The following ARHGAP6 variants were observed in gnomAD, a reference collection of about 807,000 sequenced individuals.
The protein encoded by ARHGAP6 is Rho GTPase activating protein 6.
In ARHGAP6, 16 loss-of-function variants were observed where a neutral mutation model predicts 55.7. The observed-to-expected ratio is 0.29, with a 90% CI of 0.19 to 0.44. The LOEUF (loss-of-function observed/expected upper bound fraction) is 0.44. Ranked by LOEUF, ARHGAP6 falls within the 20% of genes least tolerant of loss-of-function variation. The probability of loss-of-function intolerance (pLI) is 1.00; values close to 1 mark genes in which losing one functional copy is unlikely to be tolerated. For missense variants in ARHGAP6, 698 were observed against 808.9 expected (o/e 0.86, Z 1.66); for synonymous variants, 382 against 360.9 (o/e 1.06, Z -0.66).
chrX:11,294,895 A>G (rs2048055595), intron 1 of ARHGAP6: 1 of 1,161,797 alleles, frequency 8.6e-7, no homozygotes, highest in African/African-American at 1.8e-5. Context: ...AAACTTGGAC[A>G]TAAAAATCTG....
intron 9 of ARHGAP6, among the ~76,000 whole-genome samples, chrX:11,162,533 C>T (rs1269085118): frequency 9.0e-6 from 1 of 111,287 alleles, no homozygotes; most frequent in Non-Finnish European, 1.9e-5. Flanking sequence ...TTCACTTACA[C>T]ACTCTCTTGC....
intron 1 of ARHGAP6, among the ~76,000 whole-genome samples, chrX:11,509,859 G>T (rs2147865671): frequency 8.9e-6 from 1 of 111,866 alleles, no homozygotes; most frequent in African/African-American, 3.2e-5. Context: ...TCAGTGACGT[G>T]GGTATAGCAA....
rs2051483747 is a variant in ARHGAP6, at chrX:11,569,245, A to T, written c.588+94996T>A. On this transcript the variant is annotated intron_variant, in intron 1 of 12. Transcript: ENST00000337414. ...GTGGGTAGAAGTCAGAGATGCCACTAAATATCCCACAATGCACAGGACAGC... is the reference window on the plus strand; with the variant it reads ...GTGGGTAGAAGTCAGAGATGCCACTTAATATCCCACAATGCACAGGACAGC... 3.6e-5 allele frequency among the ~76,000 whole-genome samples: 4 copies of T among 111,275 alleles called. No individual in the cohort carries two copies. The Admixed American group carries it at 3.8e-4, about 11-fold the overall frequency.
At chrX:11,350,408 A>C (rs979342075) in intron 1 of ARHGAP6, among the ~76,000 whole-genome samples, 35 of 112,335 alleles carry the variant, frequency 3.1e-4, no homozygotes, top group Non-Finnish European at 5.4e-4. Context: ...AACTCCAGAG[A>C]GTTTTCCAGT....
chrX:11,354,323 C>CTATATATA (rs1555997400), intron 1 of ARHGAP6, among the ~76,000 whole-genome samples: 30 of 57,099 alleles, frequency 5.3e-4, no homozygotes, highest in South Asian at 1.4e-3. Context: ...CTCTCTCTCT[C>CTATATATA]TCTCTATATA....
intron 1 of ARHGAP6, among the ~76,000 whole-genome samples, chrX:11,657,424 C>T (rs1304659233): frequency 9.2e-6 from 1 of 108,477 alleles, no homozygotes; most frequent in Non-Finnish European, 1.9e-5. Context: ...CGTTCGAAAA[C>T]TTATGGAAGA....
chrX:11,266,068 T>TGA (rs2047621708), intron 1 of ARHGAP6: 2 of 326,019 alleles, frequency 6.1e-6, no homozygotes, highest in Non-Finnish European at 8.0e-6. Context: ...TGTGTGTGTG[T>TGA]GTGTGAGAGA....
intron 1 of ARHGAP6, among the ~76,000 whole-genome samples, chrX:11,492,889 T>A (rs1362587324): frequency 8.9e-6 from 1 of 112,095 alleles, no homozygotes; most frequent in Non-Finnish European, 1.9e-5. Context: ...TTTCCCAGCC[T>A]TGTCTCTTAA....
chrX:11,521,861 A>C (rs1462025976), intron 1 of ARHGAP6, among the ~76,000 whole-genome samples: 1 of 111,336 alleles, frequency 9.0e-6, no homozygotes, highest in Non-Finnish European at 1.9e-5. Context: ...TTCTCCTTGA[A>C]GAGGTCCTTC....
rs753676410 is a variant in ARHGAP6, at chrX:11,560,049, G to A, written c.588+104192C>T. On this transcript the variant is annotated intron_variant, in intron 1 of 12. Transcript: ENST00000337414. Reference sequence around the variant, plus strand: ...AAGCTAAGAAACATGCTGATTGCAAGTTCTCCATGCTAAAAAAATAATAAT... The same window carrying A: ...AAGCTAAGAAACATGCTGATTGCAAATTCTCCATGCTAAAAAAATAATAAT... Among the ~76,000 whole-genome samples, 100 of 110,207 alleles carry A rather than the reference G, an allele frequency of 9.1e-4. 1 individual carries two copies. Among genetic ancestry groups the A allele is most frequent in the Non-Finnish European group, 1.5e-3 (77 of 52,866 alleles).
At chrX:11,516,979 T>C (rs1046580295) in intron 1 of ARHGAP6, among the ~76,000 whole-genome samples, 1 of 111,508 alleles carries the variant, frequency 9.0e-6, no homozygotes, top group Non-Finnish European at 1.9e-5. Flanking sequence ...TAATCTTCTA[T>C]ATCTATCCGC....
chrX:11,289,439 G>A (rs1035140250), intron 1 of ARHGAP6, among the ~76,000 whole-genome samples: 3 of 111,485 alleles, frequency 2.7e-5, no homozygotes, highest in Non-Finnish European at 5.6e-5. Context: ...CGGCTACCCA[G>A]AGATTTTCAA....
At chrX:11,259,134 C>T (rs2147494214) in intron 1 of ARHGAP6, among the ~76,000 whole-genome samples, 1 of 111,330 alleles carries the variant, frequency 9.0e-6, no homozygotes, top group South Asian at 3.8e-4. Flanking sequence ...CTCCCCTGAT[C>T]CCCCACACTG....
In ARHGAP6 at chrX:11,169,511, C is replaced by T. The variant is rs746819274; in HGVS notation, c.1803G>A (p.Leu601=). The change falls in exon 9 of 13, where the codon CTG becomes CTA. Residue 601 remains leucine (L), a synonymous_variant. Coordinates refer to ENST00000337414, the MANE Select transcript of ARHGAP6 (RefSeq NM_013427.3). The part of the protein sequence containing the change: ...VQKMIENYEA[L]FMVPPDLQNE... ...CCACAGAAGGGCCACCTACCATGAA[C>T]AGGGCTTCATAATTTTCAATCATCT... The T allele has an allele frequency of 1.7e-6, 2 of 1,193,760 alleles. No homozygotes were observed. The highest frequency in any genetic ancestry group is 2.3e-6 in the Non-Finnish European group (2 of 886,357).
Position 11,275,831 on chromosome X carries a change from C to T in ARHGAP6, c.589-21124G>A, listed in dbSNP as rs147912668. 9.9e-4 allele frequency among the ~76,000 whole-genome samples: 111 copies of T among 111,584 alleles called. 2 individuals are homozygous for T. In the East Asian group the frequency reaches 0.024, roughly 25 times the overall value. On this transcript the variant is annotated intron_variant, in intron 1 of 12. Transcript: ENST00000337414. ...GTGCTCTCAGCCCAAATGGCTTCCCCATGCCTTCCTACTCACCCTGTAATG... is the reference window on the plus strand; with the variant it reads ...GTGCTCTCAGCCCAAATGGCTTCCCTATGCCTTCCTACTCACCCTGTAATG...
At chrX:11,436,011 CAGA>C (rs777800652) in intron 1 of ARHGAP6, among the ~76,000 whole-genome samples, 1 of 112,207 alleles carries the variant, frequency 8.9e-6, no homozygotes, top group Admixed American at 9.5e-5. Flanking sequence ...TTTTATTTTT[CAGA>C]AGCACAAAAT....
At chrX:11,153,967 C>T (rs1189675421) in intron 10 of ARHGAP6, among the ~76,000 whole-genome samples, 1 of 110,060 alleles carries the variant, frequency 9.1e-6, no homozygotes, top group Non-Finnish European at 1.9e-5. Context: ...TCCCCCCTCC[C>T]CCCATCCCAC....
chrX:11,489,179 G>C (rs148094958), intron 1 of ARHGAP6, among the ~76,000 whole-genome samples: 138 of 111,511 alleles, frequency 1.2e-3, no homozygotes, highest in Non-Finnish European at 1.9e-3. Flanking sequence ...TAAAGAGAAA[G>C]AATTTAGAAC....
At chrX:11,169,755 A>G (rs2046063763) in intron 8 of ARHGAP6, 71 bp from the exon 9 acceptor site, 1 of 877,723 alleles carries the variant, frequency 1.1e-6, no homozygotes, top group African/African-American at 2.1e-5. Context: ...TCAACAATCA[A>G]TGAAACCTTT....
Sources: gnomAD v4.1 joint callset for allele counts (sites outside exome capture counted in the v4.1 genomes callset) on GRCh38, gnomAD v4.1.1 for gene constraint, MANE v1.5 for transcripts, NCBI Gene and HGNC (gene_info 2026-07-23, HGNC 2026-07-21) for gene names.